Variants in IMMT observed in about 807,000 individuals in gnomAD.
IMMT encodes the protein inner membrane mitochondrial protein, also known as MICOS complex subunit MIC60.
In IMMT, 40 loss-of-function variants were observed where a neutral mutation model predicts 92.7. The observed-to-expected ratio is 0.43, with a 90% CI of 0.34 to 0.56. IMMT has a LOEUF of 0.56. Among genes scored for constraint, IMMT ranks in the 20% least tolerant of loss-of-function variants. The pLI is 0.03. For missense variants in IMMT, 831 were observed against 912.1 expected (o/e 0.91, Z 1.14); for synonymous variants, 322 against 336.1 (o/e 0.96, Z 0.46).
chr2:86,177,464 C>T (rs1185737126), intron 3 of IMMT, among the ~76,000 whole-genome samples: 3 of 151,960 alleles, frequency 2.0e-5, no homozygotes, highest in Admixed American at 6.6e-5. Flanking sequence ...ATTAGCTAGG[C>T]ATGGTGGTGC....
chr2:86,150,408 G>A (rs1573880005), intron 12 of IMMT, among the ~76,000 whole-genome samples: 1 of 152,332 alleles, frequency 6.6e-6, no homozygotes, highest in South Asian at 2.1e-4. Flanking sequence ...AGGAGGTTAA[G>A]GAGTGGCCAG....
intron 8 of IMMT, among the ~76,000 whole-genome samples, chr2:86,161,097 TAA>T (rs11438083): frequency 7.1e-6 from 1 of 140,634 alleles, no homozygotes. Flanking sequence ...GACCATGAAT[TAA>T]AAAAAAAAAA....
chr2:86,165,804 T>G (rs544061043), intron 7 of IMMT, among the ~76,000 whole-genome samples: 2 of 152,186 alleles, frequency 1.3e-5, no homozygotes, highest in Non-Finnish European at 2.9e-5. Flanking sequence ...ACATGAGAGC[T>G]CTCTGTATTA....
At chr2:86,185,543 T>C (rs1034302865) in intron 1 of IMMT, among the ~76,000 whole-genome samples, 3 of 151,988 alleles carry the variant, frequency 2.0e-5, no homozygotes, top group African/African-American at 7.3e-5. Flanking sequence ...TTCTATTGAA[T>C]CAATAAGGTT....
chr2:86,193,547 T>C (rs930829728), intron 1 of IMMT, among the ~76,000 whole-genome samples: 3 of 152,098 alleles, frequency 2.0e-5, no homozygotes, highest in East Asian at 1.9e-4. Flanking sequence ...AGAGTTGATG[T>C]AATCTCAAAT....
In IMMT at chr2:86,147,719, T is replaced by C. The variant is rs200238227; in HGVS notation, c.1516A>G (p.Lys506Glu). ...DVLRVQEQELKSEFEQNLSEK... is the reference protein window; with the variant it reads ...DVLRVQEQELESEFEQNLSEK... ...GTCCTCACCTGCTCAAATTCAGACT[T>C]CAATTCCTGTTCTTGTACCCTAAGG... The change falls in exon 13 of 15, where the codon AAG (lysine) becomes GAG (glutamate). Residue 506 changes from lysine to glutamate, a missense_variant. Coordinates refer to ENST00000410111, the MANE Select transcript of IMMT (RefSeq NM_006839.3). 1,232 of 1,613,420 alleles carry C rather than the reference T, an allele frequency of 7.6e-4. 4 individuals are homozygous for C. Among genetic ancestry groups the C allele is most frequent in the Middle Eastern group, 1.5e-3 (9 of 6,058 alleles).
At position 86,171,585 on chromosome 2, in the gene IMMT, C is replaced by A. The variant is rs555331269; in HGVS notation, c.422-240G>T. On this transcript the variant is annotated intron_variant, in intron 4 of 14. Transcript: ENST00000410111. Reference sequence around the variant, plus strand: ...AGAAAGAAGTCTTGTCTGCATCCACCTGCATTTTAACCATCATTATTCCAG... The same window carrying A: ...AGAAAGAAGTCTTGTCTGCATCCACATGCATTTTAACCATCATTATTCCAG... The A allele has an allele frequency of 1.8e-3, 818 of 448,200 alleles. 1 individual carries two copies. The highest frequency in any genetic ancestry group is 5.6e-3 in the Middle Eastern group (14 of 2,508). 27.8% of individuals were successfully genotyped at this position (448,200 alleles called of 1,614,324 possible).
chr2:86,166,658 A>G lies in IMMT; in HGVS notation c.656-14T>C. 2 of 1,578,250 alleles carry G rather than the reference A, an allele frequency of 1.3e-6. No individual in the cohort carries two copies. The highest frequency in any genetic ancestry group is 8.6e-7 in the Non-Finnish European group (1 of 1,167,476). ...TCTTGGCTAGAGCTTAAAAAAAAAA[A>G]AGAACAGTTAAAAAACAAATCCTAC... is the stretch of plus-strand genomic sequence containing the variant. On this transcript the variant is annotated splice_polypyrimidine_tract_variant and intron_variant, in intron 6 of 14. Coordinates refer to ENST00000410111, the MANE Select transcript of IMMT (RefSeq NM_006839.3).
At position 86,181,435 on chromosome 2, in the gene IMMT, G is replaced by T. The variant is rs75050035; in HGVS notation, c.46-63C>A. The stretch of plus-strand genomic sequence containing the variant: ...AGGAAACTGGTAAGCTTTTAGGGTT[G>T]GTAATACAGAAATAATACTTTTATT... On this transcript the variant is annotated intron_variant, in intron 1 of 14. Transcript: ENST00000410111. 4.7e-3 allele frequency: 5,151 copies of T among 1,099,276 alleles called. 21 individuals are homozygous for T. Among genetic ancestry groups the T allele is most frequent in the Non-Finnish European group, 5.9e-3 (4,299 of 729,114 alleles). The allele number at this position is 1,099,276 out of a possible 1,614,324, so 68.1% of individuals were successfully genotyped here.
rs138410098 is a variant in IMMT, at chr2:86,164,423, C to T, written c.792+2085G>A. On this transcript the variant is annotated intron_variant, in intron 7 of 14. Transcript: ENST00000410111. ...ACTGATTTGGGGCCAGGCATGGTGGCTTACGCCTATAATCCCAGCACTTTT... is the reference window on the plus strand; with the variant it reads ...ACTGATTTGGGGCCAGGCATGGTGGTTTACGCCTATAATCCCAGCACTTTT... Among the ~76,000 whole-genome samples the T allele has an allele frequency of 6.5e-4, 98 of 151,926 alleles. 1 individual carries two copies. In the East Asian group the frequency reaches 0.019, roughly 29 times the overall value.
In IMMT at chr2:86,179,556, G is replaced by A. The variant is rs1164475290; in HGVS notation, c.186C>T (p.Ile62=). The change falls in exon 3 of 15, where the codon ATC becomes ATT. Residue 62 remains isoleucine (I), a synonymous_variant. Transcript: ENST00000410111. Reference sequence around the variant, plus strand: ...AATGGGAATCCCATTTGGCATATAGGATAGTGCCACCAATACCTCCACCAA... The same window carrying A: ...AATGGGAATCCCATTTGGCATATAGAATAGTGCCACCAATACCTCCACCAA... The part of the protein sequence containing the change: ...LFVGGGIGGT[I]LYAKWDSHFR... 6.2e-7 allele frequency: 1 copy of A among 1,612,714 alleles called. No homozygotes were observed. Among genetic ancestry groups the A allele is most frequent in the Non-Finnish European group, 8.5e-7 (1 of 1,179,454 alleles).
chr2:86,176,873 G>T (rs1319005468), intron 3 of IMMT, among the ~76,000 whole-genome samples: 1 of 152,108 alleles, frequency 6.6e-6, no homozygotes, highest in Non-Finnish European at 1.5e-5. Flanking sequence ...TTTTTCCTGG[G>T]TCATGCAGCT....
chr2:86,155,004 A>G (rs1675751807), intron 10 of IMMT, among the ~76,000 whole-genome samples: 1 of 152,176 alleles, frequency 6.6e-6, no homozygotes, highest in African/African-American at 2.4e-5. Context: ...CTAGGACCAC[A>G]GGCGCATGCC....
chr2:86,155,349 G>A (rs781067602), intron 10 of IMMT, among the ~76,000 whole-genome samples: 8 of 138,618 alleles, frequency 5.8e-5, no homozygotes, highest in South Asian at 5.0e-4. Context: ...AGGGAGTCCC[G>A]TGCTGCTGAT....
At chr2:86,153,768 G>T (rs1236533442) in intron 10 of IMMT, among the ~76,000 whole-genome samples, 194 bp from the exon 11 acceptor site, 1 of 152,144 alleles carries the variant, frequency 6.6e-6, no homozygotes, top group Non-Finnish European at 1.5e-5. Flanking sequence ...ACAAATCAAG[G>T]TAAATAACAT....
At chr2:86,182,504 A>C (rs924365800) in intron 1 of IMMT, among the ~76,000 whole-genome samples, 2 of 152,250 alleles carry the variant, frequency 1.3e-5, no homozygotes, top group Non-Finnish European at 2.9e-5. Context: ...CAGATGTTTT[A>C]AAATATGTAA....
At chr2:86,156,334 G>A (rs1384665070) in intron 10 of IMMT, among the ~76,000 whole-genome samples, 1 of 152,124 alleles carries the variant, frequency 6.6e-6, no homozygotes, top group African/African-American at 2.4e-5. Context: ...TCTCACGCCT[G>A]TAATCCCAGC....
At chr2:86,161,902 A>C (rs1420410827) in intron 8 of IMMT, 74 bp downstream of exon 8, 2 of 883,582 alleles carry the variant, frequency 2.3e-6, no homozygotes, top group African/African-American at 3.3e-5. Flanking sequence ...CTATACAGAC[A>C]ATACAAAGAA....
intron 1 of IMMT, among the ~76,000 whole-genome samples, chr2:86,193,407 C>CAA (rs11412841): frequency 0.4 from 55,415 of 137,524 alleles, 12,095 homozygotes; most frequent in Non-Finnish European, 0.5. Flanking sequence ...ACTCCGTATC[C>CAA]AAAAAAAAAA....
Sources: allele counts gnomAD v4.1 joint callset (sites outside exome capture counted in the v4.1 genomes callset), GRCh38; gene constraint gnomAD v4.1.1; transcripts MANE v1.5; gene names NCBI Gene and HGNC (gene_info 2026-07-23, HGNC 2026-07-21).